The following FBLN7 variants were observed in gnomAD, a reference collection of about 807,000 sequenced individuals.
FBLN7 encodes the protein fibulin 7.
In FBLN7, 31 loss-of-function variants were observed where a neutral mutation model predicts 44.0. That is an observed-to-expected ratio of 0.70 (90% CI 0.53 to 0.95). The LOEUF (loss-of-function observed/expected upper bound fraction) is 0.95, where lower values mean the gene tolerates loss of function less well. Among genes scored for constraint, FBLN7 ranks in the 40% least tolerant of loss-of-function variants. The probability of loss-of-function intolerance (pLI) is 0.00; values close to 1 mark genes in which losing one functional copy is unlikely to be tolerated. For missense variants in FBLN7, 573 were observed against 618.5 expected, an observed-to-expected ratio of 0.93 and a Z score of 0.78; for synonymous variants, 262 against 253.4, an observed-to-expected ratio of 1.03 and a Z score of -0.32.
intron 4 of FBLN7, among the ~76,000 whole-genome samples, chr2:112,179,584 T>G (rs1285714364): frequency 6.6e-6 from 1 of 152,164 alleles, no homozygotes; most frequent in Non-Finnish European, 1.5e-5. Context: ...ATTACCCAAC[T>G]TCAAACTATA....
At chr2:112,200,638 T>C in the FBLN7 span, among the ~76,000 whole-genome samples, 1 of 152,110 alleles carries the variant, frequency 6.6e-6, no homozygotes, top group Non-Finnish European at 1.5e-5. Flanking sequence ...AGATTCAAGC[T>C]ATTCTCCTGC....
At chr2:112,231,760 A>G in the FBLN7 span, 1 of 848,360 alleles carries the variant, frequency 1.2e-6, no homozygotes, top group Admixed American at 2.8e-5. Flanking sequence ...CTCCTTAATT[A>G]TCTTCAAATT....
At chr2:112,156,131 C>A (rs1681407937) in intron 1 of FBLN7, among the ~76,000 whole-genome samples, 1 of 152,352 alleles carries the variant, frequency 6.6e-6, no homozygotes, top group East Asian at 1.9e-4. Flanking sequence ...GGTGCCCAAC[C>A]TGAACTTTGC....
At chr2:112,146,492 A>G (rs372430551) in intron 1 of FBLN7, among the ~76,000 whole-genome samples, 34 of 151,742 alleles carry the variant, frequency 2.2e-4, no homozygotes, top group African/African-American at 7.5e-4. Context: ...TTCTTTCATC[A>G]GTATATATAT....
chr2:112,155,695 C>G (rs896382524), intron 1 of FBLN7, among the ~76,000 whole-genome samples: 3 of 152,294 alleles, frequency 2.0e-5, no homozygotes, highest in Non-Finnish European at 4.4e-5. Context: ...CAATGAGCAC[C>G]GGGGAGAAAG....
chr2:112,229,060 G>A, the FBLN7 span, among the ~76,000 whole-genome samples: 15 of 152,240 alleles, frequency 9.9e-5, no homozygotes, highest in African/African-American at 2.4e-4. Flanking sequence ...GTGTTGCTAC[G>A]GTAATTAAGA....
At chr2:112,179,709 C>A (rs540930869) in intron 4 of FBLN7, among the ~76,000 whole-genome samples, 1 of 152,322 alleles carries the variant, frequency 6.6e-6, no homozygotes, top group South Asian at 2.1e-4. Context: ...ACCATCTGAT[C>A]TTTGACCAAG....
intron 4 of FBLN7, among the ~76,000 whole-genome samples, chr2:112,179,067 T>C (rs916049840): frequency 6.6e-6 from 1 of 152,238 alleles, no homozygotes. Flanking sequence ...GCAGATGACA[T>C]GATTCTATAT....
chr2:112,181,487 C>T (rs1167468480), intron 4 of FBLN7, among the ~76,000 whole-genome samples: 1 of 152,132 alleles, frequency 6.6e-6, no homozygotes, highest in African/African-American at 2.4e-5. Flanking sequence ...TCTCGGGGTG[C>T]GGCTTGGTGG....
the FBLN7 span, chr2:112,236,807 G>A: frequency 2.0e-6 from 2 of 1,004,946 alleles, no homozygotes; most frequent in East Asian, 2.6e-5. Context: ...AGCTCTTTGG[G>A]AGGCTGAGGC....
At chr2:112,231,009 A>T in the FBLN7 span, 1 of 1,056,166 alleles carries the variant, frequency 9.5e-7, no homozygotes, top group Non-Finnish European at 1.3e-6. Flanking sequence ...ATTCAGGTAT[A>T]CTGTCATATT....
Position 112,185,427 on chromosome 2 carries a change from A to G in FBLN7, c.947+88A>G, listed in dbSNP as rs1683223841. The G allele has an allele frequency of 2.0e-6, 3 of 1,513,408 alleles. No individual in the cohort carries two copies. The South Asian group carries it at 3.8e-5, about 19-fold the overall frequency. The allele number at this position is 1,513,408 out of a possible 1,614,324, so 93.7% of individuals were successfully genotyped here. A position where few individuals can be genotyped will look rare whatever the true frequency, so the allele number is the denominator to read the frequency against. The stretch of plus-strand genomic sequence containing the variant: ...TTCCTAGAGGTTCTTGGGAGAAGGT[A>G]CAGTTATACCATAGAAAGATGAGAG... On this transcript the variant is annotated intron_variant, in intron 7 of 7. Coordinates refer to ENST00000331203, the MANE Select transcript of FBLN7 (RefSeq NM_153214.3).
chr2:112,234,201 A>C, the FBLN7 span: 7 of 1,609,242 alleles, frequency 4.3e-6, no homozygotes, highest in Non-Finnish European at 5.9e-6. Flanking sequence ...TGAATGCCTG[A>C]CTCAAATGCT....
rs1385685442 is a variant in FBLN7, at chr2:112,185,318, G to A, written c.926G>A (p.Ser309Asn). ...PECPEGSGNV[S>N]YVKTSPFQCE... is the part of the protein sequence containing the mutation. ...TGCCCCGAGGGCAGCGGCAATGTGA[G>A]CTACGTGAAGACGTCTCCATTGTGA... is the stretch of plus-strand genomic sequence containing the variant. The change falls in exon 7 of 8, where the codon AGC (serine) becomes AAC (asparagine). Residue 309 changes from serine to asparagine, a missense_variant. Physicochemically the swap from Ser to Asn is conservative, Grantham distance 46. Transcript: ENST00000331203. 1 of 1,613,844 alleles carries A rather than the reference G, an allele frequency of 6.2e-7. No homozygotes were observed. Among genetic ancestry groups the A allele is most frequent in the Non-Finnish European group, 8.5e-7 (1 of 1,179,788 alleles).
the FBLN7 span, chr2:112,236,513 C>A: frequency 6.3e-7 from 1 of 1,596,854 alleles, no homozygotes; most frequent in Admixed American, 1.8e-5. Context: ...AAGATCAAGT[C>A]CAAAAGCATG....
intron 7 of FBLN7, among the ~76,000 whole-genome samples, chr2:112,185,575 C>G (rs1158096318): frequency 1.3e-5 from 2 of 152,094 alleles, no homozygotes; most frequent in Admixed American, 6.5e-5. Flanking sequence ...CTAAGTGCAC[C>G]CCCACTACAT....
chr2:112,160,022 GCT>G lies in FBLN7; in HGVS notation c.235+190_235+191del, dbSNP rs535723864. Among the ~76,000 whole-genome samples, 162 of 149,976 alleles carry G rather than the reference GCT, an allele frequency of 1.1e-3. 2 individuals are homozygous for G. The highest frequency in any genetic ancestry group is 3.9e-3 in the African/African-American group (159 of 40,828). On this transcript the variant is annotated intron_variant, in intron 2 of 7. Coordinates refer to ENST00000331203, the MANE Select transcript of FBLN7 (RefSeq NM_153214.3). ...ATTTATTTTTTTGAGACGGAGTCTC[GCT>G]CTGTCGCCCAGGCTGGAGTGCAGTG...
At chr2:112,217,846 A>G in the FBLN7 span, among the ~76,000 whole-genome samples, 2 of 152,154 alleles carry the variant, frequency 1.3e-5, no homozygotes, top group Admixed American at 6.5e-5. Flanking sequence ...TCAAACATCT[A>G]TATCTGAAAA....
chr2:112,152,494 T>C (rs1236841638), intron 1 of FBLN7: 2 of 152,248 alleles, frequency 1.3e-5, no homozygotes, highest in East Asian at 3.8e-4. Flanking sequence ...GCTGGAGGGC[T>C]GGGGTGGTTA....
Sources: allele counts gnomAD v4.1 joint callset (sites outside exome capture counted in the v4.1 genomes callset), GRCh38; gene constraint gnomAD v4.1.1; transcripts MANE v1.5; gene names NCBI Gene and HGNC (gene_info 2026-07-23, HGNC 2026-07-21).